Variants in GRID2 observed in about 807,000 individuals in gnomAD.
GRID2 encodes the protein glutamate receptor ionotropic, delta-2.
GRID2 carries 33 observed loss-of-function variants against 114.8 expected under a neutral mutation model. That is an observed-to-expected ratio of 0.29 (90% CI 0.22 to 0.38). GRID2 has a LOEUF of 0.38. Among genes scored for constraint, GRID2 ranks in the 10% least tolerant of loss-of-function variants. The probability of loss-of-function intolerance (pLI) is 1.00; values close to 1 mark genes in which losing one functional copy is unlikely to be tolerated. For missense variants in GRID2, 1,184 were observed against 1,257.7 expected, an observed-to-expected ratio of 0.94 and a Z score of 0.89; for synonymous variants, 505 against 449.9, an observed-to-expected ratio of 1.12 and a Z score of -1.55.
chr4:93,274,282 C>T (rs1751815099), intron 8 of GRID2, among the ~76,000 whole-genome samples: 1 of 151,986 alleles, frequency 6.6e-6, no homozygotes, highest in African/African-American at 2.4e-5. Flanking sequence ...CTTAACAAGG[C>T]ACTTTGTAAC....
intron 8 of GRID2, among the ~76,000 whole-genome samples, chr4:93,338,581 T>G (rs1759323535): frequency 6.6e-6 from 1 of 152,190 alleles, no homozygotes; most frequent in Non-Finnish European, 1.5e-5. Flanking sequence ...TTTTACAGTT[T>G]GATTTTTAGT....
chr4:92,443,806 C>T (rs1162475484), intron 1 of GRID2, among the ~76,000 whole-genome samples: 4 of 152,166 alleles, frequency 2.6e-5, no homozygotes, highest in Non-Finnish European at 4.4e-5. Flanking sequence ...TGGTATGACA[C>T]CTTTGAAACG....
chr4:92,449,699 A>C (rs1720795795), intron 1 of GRID2, among the ~76,000 whole-genome samples: 1 of 142,784 alleles, frequency 7.0e-6, no homozygotes, highest in South Asian at 2.1e-4. Context: ...ATATATATAT[A>C]TATATATATA....
At chr4:93,414,355 C>T (rs2149357084) in intron 9 of GRID2, among the ~76,000 whole-genome samples, 1 of 152,224 alleles carries the variant, frequency 6.6e-6, no homozygotes, top group South Asian at 2.1e-4. Flanking sequence ...GCCCATCTGG[C>T]TTCCTATCTT....
intron 2 of GRID2, among the ~76,000 whole-genome samples, chr4:92,612,561 T>C (rs1322761413): frequency 2.0e-5 from 3 of 151,462 alleles, no homozygotes; most frequent in Non-Finnish European, 4.4e-5. Flanking sequence ...CTTAACAATA[T>C]TGAGTATTTC....
intron 8 of GRID2, among the ~76,000 whole-genome samples, chr4:93,392,034 C>CT: frequency 6.6e-6 from 1 of 152,186 alleles, no homozygotes; most frequent in East Asian, 1.9e-4. Flanking sequence ...ATTGGGTTTA[C>CT]TTTTTTTATC....
intron 15 of GRID2, among the ~76,000 whole-genome samples, chr4:93,770,450 G>GT (rs922080346): frequency 1.8e-4 from 28 of 152,238 alleles, no homozygotes; most frequent in African/African-American, 4.8e-4. Flanking sequence ...ACATTAATGT[G>GT]TTTTTTTCAA....
At chr4:92,722,103 A>G (rs1188626547) in intron 2 of GRID2, among the ~76,000 whole-genome samples, 1 of 152,182 alleles carries the variant, frequency 6.6e-6, no homozygotes, top group African/African-American at 2.4e-5. Context: ...TGGACAGTGG[A>G]CTGGCAATGG....
intron 8 of GRID2, among the ~76,000 whole-genome samples, chr4:93,270,440 A>G (rs1325038680): frequency 6.6e-6 from 1 of 152,180 alleles, no homozygotes; most frequent in Non-Finnish European, 1.5e-5. Flanking sequence ...CATCAAGAAC[A>G]TAAGTCTGCC....
At chr4:92,518,485 G>A (rs1724615073) in intron 1 of GRID2, among the ~76,000 whole-genome samples, 1 of 151,920 alleles carries the variant, frequency 6.6e-6, no homozygotes, top group East Asian at 2.0e-4. Flanking sequence ...ACTTATATGA[G>A]GTATCCAAAG....
intron 2 of GRID2, among the ~76,000 whole-genome samples, chr4:92,749,295 G>A (rs995873021): frequency 4.2e-5 from 6 of 141,718 alleles, no homozygotes; most frequent in Non-Finnish European, 7.5e-5. Context: ...CGCCGCGCCC[G>A]GCCTTGATTT....
chr4:92,469,012 T>C (rs1349318915), intron 1 of GRID2, among the ~76,000 whole-genome samples: 1 of 152,154 alleles, frequency 6.6e-6, no homozygotes, highest in African/African-American at 2.4e-5. Context: ...GTAAATCAGC[T>C]CAACCTATGT....
At chr4:93,661,297 G>A (rs1723468526) in intron 14 of GRID2, among the ~76,000 whole-genome samples, 1 of 152,132 alleles carries the variant, frequency 6.6e-6, no homozygotes, top group Non-Finnish European at 1.5e-5. Flanking sequence ...GTCAAACAAG[G>A]TGATATTCTA....
intron 8 of GRID2, among the ~76,000 whole-genome samples, chr4:93,359,910 A>G (rs1242371826): frequency 1.4e-5 from 2 of 146,898 alleles, no homozygotes; most frequent in Non-Finnish European, 3.0e-5. Flanking sequence ...AATGGGGTCA[A>G]TAATACAATC....
intron 3 of GRID2, among the ~76,000 whole-genome samples, chr4:93,091,652 C>T (rs1730800931): frequency 6.6e-6 from 1 of 152,104 alleles, no homozygotes; most frequent in Admixed American, 6.6e-5. Context: ...CCTGTTTGCA[C>T]ATAGACTTTT....
intron 2 of GRID2, among the ~76,000 whole-genome samples, chr4:92,721,815 A>G (rs1207015884): frequency 6.6e-6 from 1 of 152,182 alleles, no homozygotes; most frequent in African/African-American, 2.4e-5. Flanking sequence ...CAGAAGGCTA[A>G]AGAACTGGAT....
At chr4:93,173,830 C>T (rs1000592286) in intron 4 of GRID2, among the ~76,000 whole-genome samples, 1 of 152,076 alleles carries the variant, frequency 6.6e-6, no homozygotes, top group Non-Finnish European at 1.5e-5. Flanking sequence ...CAGGGTCTTG[C>T]TATTTGCCCA....
At chr4:92,553,847 TTG>T (rs1726718906) in intron 1 of GRID2, among the ~76,000 whole-genome samples, 1 of 152,096 alleles carries the variant, frequency 6.6e-6, no homozygotes, top group Admixed American at 6.6e-5. Context: ...AGACGGGCTT[TTG>T]CCACGTTAGC....
intron 4 of GRID2, among the ~76,000 whole-genome samples, chr4:93,161,792 G>T (rs984706838): frequency 6.6e-6 from 1 of 151,438 alleles, no homozygotes; most frequent in Non-Finnish European, 1.5e-5. Context: ...TGCAATTTTT[G>T]CAGTGTAAAT....
Sources: gnomAD v4.1 joint callset for allele counts (sites outside exome capture counted in the v4.1 genomes callset) on GRCh38, gnomAD v4.1.1 for gene constraint, MANE v1.5 for transcripts, NCBI Gene and HGNC (gene_info 2026-07-23, HGNC 2026-07-21) for gene names.